The following TRPS1 variants were observed in gnomAD, a reference collection of about 807,000 sequenced individuals.
The protein encoded by TRPS1 is zinc finger transcription factor Trps1.
TRPS1 carries 6 observed loss-of-function variants against 101.2 expected under a neutral mutation model. That is an observed-to-expected ratio of 0.06 (90% CI 0.03 to 0.12). The LOEUF is 0.12. Ranked by LOEUF, TRPS1 falls within the 10% of genes least tolerant of loss-of-function variation. The pLI, the probability that TRPS1 is intolerant of heterozygous loss-of-function variation, is 1.00. For synonymous variants in TRPS1, 578 were observed against 589.8 expected, an observed-to-expected ratio of 0.98 and a Z score of 0.29; for missense variants, 1,363 against 1,567.0, an observed-to-expected ratio of 0.87 and a Z score of 2.20.
At chr8:115,663,799 C>A (rs565737008) in intron 1 of TRPS1, among the ~76,000 whole-genome samples, 2 of 150,952 alleles carry the variant, frequency 1.3e-5, no homozygotes, top group Non-Finnish European at 3.0e-5. Flanking sequence ...CTGCAGGGAC[C>A]AGTAGAGTTT....
intron 5 of TRPS1, among the ~76,000 whole-genome samples, chr8:115,541,930 G>T (rs1476854487): frequency 2.6e-5 from 4 of 152,148 alleles, no homozygotes; most frequent in Non-Finnish European, 5.9e-5. Flanking sequence ...GAAGTCAGAG[G>T]TCAGAGAAGC....
At chr8:115,588,844 C>T (rs10808475) in intron 4 of TRPS1, among the ~76,000 whole-genome samples, 106,128 of 152,134 alleles carry the variant, frequency 0.7, 38,410 homozygotes, top group African/African-American at 0.89. Flanking sequence ...AAAATATTTC[C>T]TTGCCAGGCA....
chr8:115,474,117 C>T (rs1393911066), intron 5 of TRPS1, among the ~76,000 whole-genome samples: 1 of 152,148 alleles, frequency 6.6e-6, no homozygotes, highest in East Asian at 1.9e-4. Context: ...AACCAGGGAA[C>T]ATTCCTTTTT....
intron 5 of TRPS1, among the ~76,000 whole-genome samples, chr8:115,493,507 G>A (rs1021428009): frequency 7.2e-5 from 11 of 151,920 alleles, no homozygotes; most frequent in Admixed American, 1.3e-4. Context: ...GCGCCATGAC[G>A]CCCAGCTAAT....
In TRPS1 at chr8:115,414,381, G is replaced by A; in HGVS notation, c.3527C>T (p.Pro1176Leu). 6.2e-7 allele frequency: 1 copy of A among 1,613,966 alleles called. No individual in the cohort carries two copies. The highest frequency in any genetic ancestry group is 8.5e-7 in the Non-Finnish European group (1 of 1,179,966). The change falls in exon 7 of 7, where the codon CCT becomes CTT. Residue 1176 changes from proline (P) to leucine (L), a missense_variant. By Grantham distance (98) the Pro-to-Leu change is moderately conservative. This residue lies in a region of TRPS1 where 307 missense variants were observed against 392.4 expected (regional missense o/e 0.78). Transcript: ENST00000395715. This position sits in a 1 kb window ranked among gnomAD's most constrained non-coding sequence, Gnocchi z 4.8. Reference protein sequence around the residue: ...FSAVGSDNDIPLDLAIKHSRP... With the variant: ...FSAVGSDNDILLDLAIKHSRP... The stretch of plus-strand genomic sequence containing the variant: ...GGAATGCTTGATCGCCAAATCTAGA[G>A]GAATGTCATTGTCTGATCCAACAGC...
chr8:115,568,403 C>T (rs1383634286), intron 5 of TRPS1, among the ~76,000 whole-genome samples: 1 of 152,068 alleles, frequency 6.6e-6, no homozygotes, highest in Non-Finnish European at 1.5e-5. Context: ...CAGCTTTATA[C>T]ATCAGCATTT....
At chr8:115,422,207 A>G (rs926647361) in intron 5 of TRPS1, among the ~76,000 whole-genome samples, 4 of 124,382 alleles carry the variant, frequency 3.2e-5, no homozygotes, top group Admixed American at 1.6e-4. Context: ...TTATTTTTAG[A>G]AAAAAAAAAT....
At chr8:115,454,414 A>T (rs1813962969) in intron 5 of TRPS1, among the ~76,000 whole-genome samples, 1 of 152,178 alleles carries the variant, frequency 6.6e-6, no homozygotes, top group Non-Finnish European at 1.5e-5. Context: ...ACTATGTATA[A>T]GTTGTTTTGA....
intron 5 of TRPS1, among the ~76,000 whole-genome samples, chr8:115,570,680 C>G (rs956189437): frequency 1.2e-4 from 5 of 40,434 alleles, no homozygotes; most frequent in Admixed American, 1.1e-3. Flanking sequence ...AAAAAAAACA[C>G]ACACACACTC....
chr8:115,530,812 CA>C (rs1253315722), intron 5 of TRPS1, among the ~76,000 whole-genome samples: 2 of 152,040 alleles, frequency 1.3e-5, no homozygotes, highest in African/African-American at 2.4e-5. Context: ...CCATCATTCT[CA>C]GCAAACTATC....
At chr8:115,469,330 ACATCAT>A (rs1814405678) in intron 5 of TRPS1, among the ~76,000 whole-genome samples, 1 of 152,172 alleles carries the variant, frequency 6.6e-6, no homozygotes, top group South Asian at 2.1e-4. Flanking sequence ...ATTAACTAGA[ACATCAT>A]TAACTGGTGC....
At chr8:115,659,751 T>C (rs961151272) in intron 1 of TRPS1, among the ~76,000 whole-genome samples, 1 of 152,016 alleles carries the variant, frequency 6.6e-6, no homozygotes, top group Admixed American at 6.6e-5. Context: ...CATCACAAAG[T>C]AGGCACAAGT....
intron 3 of TRPS1, among the ~76,000 whole-genome samples, chr8:115,606,828 A>T (rs1277888730): frequency 7.5e-6 from 1 of 133,232 alleles, no homozygotes; most frequent in Non-Finnish European, 1.6e-5. Context: ...AAAAAAAAAA[A>T]TACATATATA....
intron 5 of TRPS1, among the ~76,000 whole-genome samples, chr8:115,586,156 C>T (rs190731673): frequency 9.9e-5 from 15 of 152,274 alleles, no homozygotes; most frequent in Admixed American, 2.6e-4. Flanking sequence ...TCAAAATCAT[C>T]CAGAGAAGCT....
intron 5 of TRPS1, among the ~76,000 whole-genome samples, chr8:115,484,350 C>A (rs1256995457): frequency 6.6e-6 from 1 of 151,904 alleles, no homozygotes; most frequent in Non-Finnish European, 1.5e-5. Context: ...ATTAAAGATT[C>A]AAAAAAGTTT....
chr8:115,451,972 C>T (rs548650403), intron 5 of TRPS1, among the ~76,000 whole-genome samples: 5 of 152,154 alleles, frequency 3.3e-5, no homozygotes, highest in Admixed American at 3.3e-4. Context: ...TCCCCAACCC[C>T]CACTTCTAAA....
chr8:115,622,147 T>C (rs1818409998), intron 2 of TRPS1, among the ~76,000 whole-genome samples: 1 of 152,078 alleles, frequency 6.6e-6, no homozygotes, highest in East Asian at 1.9e-4. Context: ...CATCTTGGTG[T>C]CATTCTATTA....
Position 115,587,042 on chromosome 8 carries a change from C to G in TRPS1, c.2659G>C (p.Gly887Arg), listed in dbSNP as rs753073579. The G allele has an allele frequency of 6.2e-7, 1 of 1,614,166 alleles. No individual in the cohort carries two copies. The highest frequency in any genetic ancestry group is 1.7e-5 in the Admixed American group (1 of 60,032). ...GALPQQYPAS[G>R]ENKSKDESQS... ...GATTCATCCTTGGACTTGTTTTCTC[C>G]CGATGCAGGATACTGCTGGGGGAGG... Residue 887 changes from glycine (G) to arginine (R), a missense_variant, in exon 5 of 7, where the codon GGA becomes CGA. By Grantham distance (125) the Gly-to-Arg change is moderately radical. Around this residue, in one of 5 missense-constraint regions of TRPS1, gnomAD observed 1,020 missense variants for 1,073.0 expected, o/e 0.95. Coordinates refer to ENST00000395715, the MANE Select transcript of TRPS1 (RefSeq NM_014112.5).
At chr8:115,448,119 C>A (rs1813782085) in intron 5 of TRPS1, among the ~76,000 whole-genome samples, 1 of 151,972 alleles carries the variant, frequency 6.6e-6, no homozygotes, top group Admixed American at 6.6e-5. Flanking sequence ...GTAAACTAAA[C>A]AACAACAACA....
Sources: gnomAD v4.1 joint callset for allele counts (sites outside exome capture counted in the v4.1 genomes callset) on GRCh38, gnomAD v4.1.1 for gene constraint, gnomAD v4.1.1 regional missense constraint, Gnocchi (gnomAD v3.1) non-coding constraint, MANE v1.5 for transcripts, NCBI Gene and HGNC (gene_info 2026-07-23, HGNC 2026-07-21) for gene names.